Variants in PRKN observed in about 807,000 individuals in gnomAD.
PRKN encodes the protein E3 ubiquitin-protein ligase parkin.
PRKN carries 56 observed loss-of-function variants against 59.5 expected under a neutral mutation model. That is an observed-to-expected ratio of 0.94 (90% CI 0.76 to 1.18). The LOEUF (loss-of-function observed/expected upper bound fraction) is 1.18. PRKN is among the 50% of genes most tolerant of loss of function. The pLI is 0.00. For synonymous variants in PRKN, 250 were observed against 222.1 expected, an observed-to-expected ratio of 1.13 and a Z score of -1.12; for missense variants, 657 against 596.4, an observed-to-expected ratio of 1.10 and a Z score of -1.06.
chr6:161,521,885 A>G (rs1331816613), intron 9 of PRKN, among the ~76,000 whole-genome samples: 1 of 152,198 alleles, frequency 6.6e-6, no homozygotes, highest in Non-Finnish European at 1.5e-5. Context: ...CCCAGTGAAC[A>G]TGCACTTGAT....
At chr6:162,298,687 T>C (rs1414868377) in intron 2 of PRKN, among the ~76,000 whole-genome samples, 1 of 139,354 alleles carries the variant, frequency 7.2e-6, no homozygotes, top group Non-Finnish European at 1.5e-5. Context: ...ATTCTTGGCC[T>C]TCACCTTGAT....
chr6:162,719,350 C>G (rs1334125898), intron 1 of PRKN, among the ~76,000 whole-genome samples: 4 of 152,048 alleles, frequency 2.6e-5, no homozygotes, highest in Non-Finnish European at 4.4e-5. Flanking sequence ...CTGTACCTCT[C>G]ACACTCTGGG....
chr6:162,646,414 A>T (rs1455210664), intron 1 of PRKN, among the ~76,000 whole-genome samples: 2 of 152,162 alleles, frequency 1.3e-5, no homozygotes, highest in Non-Finnish European at 2.9e-5. Context: ...CTAGGACTAC[A>T]GATACATGTC....
intron 6 of PRKN, among the ~76,000 whole-genome samples, chr6:161,913,360 A>G (rs920400854): frequency 6.6e-6 from 1 of 152,276 alleles, no homozygotes; most frequent in East Asian, 1.9e-4. Context: ...TCAACTCAAT[A>G]CAATAGGACT....
chr6:162,396,332 T>C (rs1166220200), intron 2 of PRKN, among the ~76,000 whole-genome samples: 1 of 152,198 alleles, frequency 6.6e-6, no homozygotes, highest in Non-Finnish European at 1.5e-5. Flanking sequence ...TCAGCATTAG[T>C]GTTGTCCAGC....
intron 1 of PRKN, among the ~76,000 whole-genome samples, chr6:162,500,494 G>A (rs374793918): frequency 2.0e-5 from 3 of 152,162 alleles, no homozygotes; most frequent in Non-Finnish European, 4.4e-5. Flanking sequence ...CTTACTGCAC[G>A]TCTATATGGT....
chr6:162,182,473 C>T (rs921550315), intron 4 of PRKN, among the ~76,000 whole-genome samples: 9 of 152,122 alleles, frequency 5.9e-5, no homozygotes, highest in African/African-American at 1.7e-4. Context: ...GTGGATCTAC[C>T]GGGAGTCTAC....
chr6:162,453,759 T>G (rs962404184), intron 1 of PRKN, among the ~76,000 whole-genome samples: 1 of 151,966 alleles, frequency 6.6e-6, no homozygotes, highest in East Asian at 1.9e-4. Flanking sequence ...CAAAATTAGC[T>G]GGGCGTGGTG....
At chr6:162,387,670 C>T (rs922956029) in intron 2 of PRKN, among the ~76,000 whole-genome samples, 1 of 151,250 alleles carries the variant, frequency 6.6e-6, no homozygotes, top group South Asian at 2.1e-4. Context: ...ACCTCAAAGT[C>T]TAAAGTATGA....
intron 4 of PRKN, among the ~76,000 whole-genome samples, chr6:162,173,172 T>C (rs1783365522): frequency 2.0e-5 from 3 of 152,156 alleles, no homozygotes; most frequent in Admixed American, 6.6e-5. Flanking sequence ...CTTCCAAGGC[T>C]CTCTTTGATC....
intron 1 of PRKN, among the ~76,000 whole-genome samples, chr6:162,657,053 A>G (rs536297067): frequency 9.2e-5 from 14 of 152,330 alleles, no homozygotes; most frequent in Admixed American, 4.6e-4. Flanking sequence ...ACCCTTGAGG[A>G]CAGGGGCTAA....
chr6:162,708,573 T>C (rs1778415195), intron 1 of PRKN, among the ~76,000 whole-genome samples: 1 of 152,200 alleles, frequency 6.6e-6, no homozygotes, highest in Admixed American at 6.5e-5. Context: ...AAACATGAAA[T>C]TGATTAGCCT....
At chr6:162,152,590 T>A (rs1337211799) in intron 4 of PRKN, among the ~76,000 whole-genome samples, 2 of 152,178 alleles carry the variant, frequency 1.3e-5, no homozygotes, top group African/African-American at 4.8e-5. Flanking sequence ...TGATAACAAG[T>A]GATCCTCTTG....
intron 1 of PRKN, among the ~76,000 whole-genome samples, chr6:162,554,679 TTTACTA>T (rs1266330216): frequency 6.6e-6 from 1 of 151,896 alleles, no homozygotes; most frequent in Non-Finnish European, 1.5e-5. Flanking sequence ...ATCAGGGGCT[TTTACTA>T]GAGCCATGGG....
At chr6:161,926,322 G>C (rs891698831) in intron 6 of PRKN, among the ~76,000 whole-genome samples, 1 of 152,118 alleles carries the variant, frequency 6.6e-6, no homozygotes, top group Non-Finnish European at 1.5e-5. Flanking sequence ...TCCTGTAGCT[G>C]AGTGATGATT....
chr6:162,190,477 C>A (rs1583174867), intron 4 of PRKN, among the ~76,000 whole-genome samples: 2 of 152,214 alleles, frequency 1.3e-5, no homozygotes, highest in East Asian at 3.9e-4. Context: ...CAGCAAGAAT[C>A]TGAGCTCAAG....
chr6:161,463,995 T>C lies in PRKN; in HGVS notation c.1084-77118A>G, dbSNP rs941360475. 2.0e-5 allele frequency among the ~76,000 whole-genome samples: 3 copies of C among 152,118 alleles called. No individual in the cohort carries two copies. Among genetic ancestry groups the C allele is most frequent in the Non-Finnish European group, 2.9e-5 (2 of 68,030 alleles). On this transcript the variant is annotated intron_variant, in intron 9 of 11. Coordinates refer to ENST00000366898, the MANE Select transcript of PRKN (RefSeq NM_004562.3). This position sits in a 1 kb window ranked among gnomAD's most constrained non-coding sequence, Gnocchi z 4.8. ...TTGTTTTTTTGAGAAGGAGTTTCGC[T>C]CTTGTTGCCCAGGCTGAAGTGCAAT...
intron 9 of PRKN, among the ~76,000 whole-genome samples, chr6:161,539,996 A>G (rs1779561297): frequency 6.6e-6 from 1 of 152,122 alleles, no homozygotes; most frequent in African/African-American, 2.4e-5. Flanking sequence ...ATTTTTATCT[A>G]TTACAAAATA....
At chr6:161,703,835 CTCTCTTTTTTTTTTTTTTTTTTT>C (rs1446817814) in intron 7 of PRKN, among the ~76,000 whole-genome samples, 1 of 126,476 alleles carries the variant, frequency 7.9e-6, no homozygotes, top group Non-Finnish European at 1.6e-5. Flanking sequence ...CTCTCTCTCT[CTCTCTTTTTTTTTTTTTTTTTTT>C]TTTTTTTTTT....
Sources: allele counts gnomAD v4.1 joint callset (sites outside exome capture counted in the v4.1 genomes callset), GRCh38; gene constraint gnomAD v4.1.1; non-coding constraint Gnocchi (gnomAD v3.1); transcripts MANE v1.5; gene names NCBI Gene and HGNC (gene_info 2026-07-23, HGNC 2026-07-21).